Variants in ASCC2 observed in about 807,000 individuals in gnomAD.
The protein encoded by ASCC2 is activating signal cointegrator 1 complex subunit 2.
Under a neutral mutation model 93.5 loss-of-function variants are expected in ASCC2, and 42 were observed. The observed-to-expected ratio is 0.45, with a 90% CI of 0.35 to 0.58. The LOEUF is 0.58. Ranked by LOEUF, ASCC2 falls within the 20% of genes least tolerant of loss-of-function variation. ASCC2 has a pLI of 0.00. For synonymous variants in ASCC2, 364 were observed against 384.2 expected, an observed-to-expected ratio of 0.95 and a Z score of 0.62; for missense variants, 859 against 977.6, an observed-to-expected ratio of 0.88 and a Z score of 1.62.
rs967016123 is a variant in ASCC2, at chr22:29,812,289, C to T, written c.833+1141G>A. ...TTGCTAGAGTGACAATCAGAGGCCA[C>T]TAGGAAGAGGCCTGTGCCCACAACT... is the stretch of plus-strand genomic sequence containing the variant. On this transcript the variant is annotated intron_variant, in intron 8 of 19. Coordinates refer to ENST00000307790, the MANE Select transcript of ASCC2 (RefSeq NM_032204.5). Among the ~76,000 whole-genome samples the T allele has an allele frequency of 3.3e-5, 5 of 152,190 alleles. No individual in the cohort carries two copies. In the South Asian group the frequency reaches 8.3e-4, roughly 25 times the overall value.
chr22:29,789,790 C>G (rs2068708393), intron 19 of ASCC2, among the ~76,000 whole-genome samples: 2 of 152,210 alleles, frequency 1.3e-5, no homozygotes, highest in South Asian at 2.1e-4. Context: ...ACCCAGCAGA[C>G]AGTGCTGCAT....
intron 14 of ASCC2, among the ~76,000 whole-genome samples, chr22:29,801,707 C>T (rs2059103863): frequency 6.6e-6 from 1 of 152,160 alleles, no homozygotes; most frequent in Non-Finnish European, 1.5e-5. Flanking sequence ...ATCAGAAGGG[C>T]TCAACAACCC....
rs540453018 is a variant in ASCC2, at chr22:29,792,448, G to A, written c.2007C>T (p.Asp669=). ...EDDDDEEDDA[D]EEAPKPDHFV... ...AGGGAGGTACCTTGGGAGCCTCCTC[G>A]TCAGCATCGTCTTCCTCATCGTCGT... Residue 669 remains aspartate (D), a synonymous_variant, in exon 18 of 20, where the codon GAC becomes GAT. Coordinates refer to ENST00000307790, the MANE Select transcript of ASCC2 (RefSeq NM_032204.5). The A allele has an allele frequency of 1.5e-5, 24 of 1,613,882 alleles. No individual in the cohort carries two copies. Among genetic ancestry groups the A allele is most frequent in the South Asian group, 3.3e-5 (3 of 91,074 alleles).
At chr22:29,831,484 C>T (rs1409799664) in intron 2 of ASCC2, among the ~76,000 whole-genome samples, 1 of 152,158 alleles carries the variant, frequency 6.6e-6, no homozygotes, top group Admixed American at 6.5e-5. Context: ...ATGTCAGGTA[C>T]TATTATTAGA....
At position 29,806,265 on chromosome 22, in the gene ASCC2, A is replaced by G. The variant is rs1291046741; in HGVS notation, c.1111T>C (p.Phe371Leu). 1.2e-6 allele frequency: 2 copies of G among 1,614,182 alleles called. No individual in the cohort carries two copies. The highest frequency in any genetic ancestry group is 1.7e-6 in the Non-Finnish European group (2 of 1,180,018). The change falls in exon 12 of 20, where the codon TTC becomes CTC. Residue 371 changes from phenylalanine (F) to leucine (L), a missense_variant. By Grantham distance (22) the Phe-to-Leu change is conservative (BLOSUM62 0). Transcript: ENST00000307790. ...KRFLRDYDAL[F>L]PVAEDISLLQ... The stretch of plus-strand genomic sequence containing the variant: ...AAGCTGATGTCTTCGGCCACGGGGA[A>G]GAGTGCATCATAGTCCCGGAGGAAC...
In ASCC2 at chr22:29,825,323, G is replaced by A. The variant is rs2062158153; in HGVS notation, c.241-66C>T. ...GGCCCCAGGGGCTTGTGGGTGGACT[G>A]TGCAGGGACTCAATGCCCATCAGCC... is the stretch of plus-strand genomic sequence containing the variant. On this transcript the variant is annotated intron_variant, in intron 3 of 19. Transcript: ENST00000307790. The surrounding 1 kb of genome is among the most constrained non-coding windows in gnomAD (Gnocchi z 4.9). The A allele has an allele frequency of 2.7e-6, 4 of 1,485,126 alleles. No homozygotes were observed. The highest frequency in any genetic ancestry group is 1.8e-4 in the Middle Eastern group (1 of 5,526). 92.0% of individuals were successfully genotyped at this position (1,485,126 alleles called of 1,614,324 possible).
At chr22:29,820,537 C>A (rs888051471) in intron 5 of ASCC2, among the ~76,000 whole-genome samples, 1 of 152,024 alleles carries the variant, frequency 6.6e-6, no homozygotes, top group African/African-American at 2.4e-5. Context: ...AAAAAACAAC[C>A]AAATGGTTGT....
chr22:29,788,993 C>A lies in ASCC2; in HGVS notation c.*20G>T. 6.2e-7 allele frequency: 1 copy of A among 1,613,974 alleles called. No homozygotes were observed. The highest frequency in any genetic ancestry group is 8.5e-7 in the Non-Finnish European group (1 of 1,179,846). On this transcript the variant is annotated 3_prime_UTR_variant, in exon 20 of 20. Transcript: ENST00000307790. ...GGTGAGTCTGGTGCCGCTGCCTCCC[C>A]ACTGGCCCTGCACCAGGTCTCAGGA...
chr22:29,793,729 C>T (rs1341968947), intron 15 of ASCC2, 53 bp from the exon 16 acceptor site: 10 of 1,512,522 alleles, frequency 6.6e-6, no homozygotes, highest in Admixed American at 2.0e-5. Context: ...CTTGGAAGGC[C>T]GCAGGGTACG....
chr22:29,802,675 G>A (rs1316205785), intron 13 of ASCC2, among the ~76,000 whole-genome samples: 1 of 151,978 alleles, frequency 6.6e-6, no homozygotes, highest in Admixed American at 6.6e-5. Flanking sequence ...GGGTGTGGTG[G>A]CTCATGCCTG....
rs1339756188 is a variant in ASCC2 at position 29,806,290 on chromosome 22, C to A, written c.1086G>T (p.Arg362Ser). The change falls in exon 12 of 20, where the codon AGG becomes AGT. Residue 362 changes from arginine to serine, a missense_variant and splice_region_variant. Coordinates refer to ENST00000307790, the MANE Select transcript of ASCC2 (RefSeq NM_032204.5). ...AGAGTGCATCATAGTCCCGGAGGAA[C>A]CTGCAGGCAGATGAGAGCAGATGGG... Reference protein sequence around the residue: ...QIFSSLLQEKRFLRDYDALFP... With the variant: ...QIFSSLLQEKSFLRDYDALFP... The A allele has an allele frequency of 3.7e-6, 6 of 1,614,006 alleles. No homozygotes were observed. Among genetic ancestry groups the A allele is most frequent in the African/African-American group, 1.3e-5 (1 of 74,904 alleles).
chr22:29,838,228 G>GCCGCCGCCGCC lies in ASCC2; in HGVS notation c.-69_-68insGGCGGCGGCGG, dbSNP rs1555885984. The GCCGCCGCCGCC allele has an allele frequency of 1.3e-5, 6 of 465,540 alleles. No homozygotes were observed. Among genetic ancestry groups the GCCGCCGCCGCC allele is most frequent in the South Asian group, 3.1e-5 (2 of 65,320 alleles). 28.8% of individuals were successfully genotyped at this position (465,540 alleles called of 1,614,324 possible). Reference sequence around the variant, plus strand: ...TGCCGCCGCCGCCGCCGCCGCCGCCGACCACGGTGACAGCTCCCTGAGCGC... The same window carrying GCCGCCGCCGCC: ...TGCCGCCGCCGCCGCCGCCGCCGCCGCCGCCGCCGCCACCACGGTGACAGCTCCCTGAGCGC... On this transcript the variant is annotated 5_prime_UTR_variant, in exon 1 of 20. Transcript: ENST00000307790.
intron 2 of ASCC2, among the ~76,000 whole-genome samples, chr22:29,829,519 G>C (rs780032223): frequency 2.0e-5 from 3 of 152,028 alleles, no homozygotes; most frequent in Non-Finnish European, 4.4e-5. Flanking sequence ...TCAGGAGTTC[G>C]AGACTAGCCT....
intron 12 of ASCC2, among the ~76,000 whole-genome samples, chr22:29,805,996 G>C (rs1412630692): frequency 6.6e-6 from 1 of 152,006 alleles, no homozygotes; most frequent in Non-Finnish European, 1.5e-5. Flanking sequence ...AGGAAACACA[G>C]ACGGAAAATA....
chr22:29,789,325 GA>G, intron 19 of ASCC2, 141 bp from the exon 20 acceptor site: 1 of 1,036,102 alleles, frequency 9.7e-7, no homozygotes, highest in Non-Finnish European at 1.4e-6. Flanking sequence ...CAGATGGAAG[GA>G]GAGATGGAGC....
chr22:29,798,124 G>C lies in ASCC2; in HGVS notation c.1688+2867C>G, dbSNP rs5997526. 1.0e-3 allele frequency among the ~76,000 whole-genome samples: 155 copies of C among 152,268 alleles called. 2 individuals carry two copies. The highest frequency in any genetic ancestry group is 3.7e-3 in the African/African-American group (152 of 41,558). On this transcript the variant is annotated intron_variant, in intron 15 of 19. Coordinates refer to ENST00000307790, the MANE Select transcript of ASCC2 (RefSeq NM_032204.5). ...ACCATGGAATGGTCCAAAGGGATTAGGGGACCCTGCCTCTTGCCCACTGAC... is the reference window on the plus strand; with the variant it reads ...ACCATGGAATGGTCCAAAGGGATTACGGGACCCTGCCTCTTGCCCACTGAC...
intron 15 of ASCC2, among the ~76,000 whole-genome samples, chr22:29,800,506 C>A (rs2058959538): frequency 6.6e-6 from 1 of 152,168 alleles, no homozygotes; most frequent in African/African-American, 2.4e-5. Context: ...ATGGATAAAT[C>A]ATGAACGGAA....
intron 13 of ASCC2, among the ~76,000 whole-genome samples, chr22:29,802,462 A>G (rs1431328313): frequency 6.6e-6 from 1 of 151,762 alleles, no homozygotes; most frequent in Non-Finnish European, 1.5e-5. Context: ...CTATAAATAT[A>G]TACACCTACT....
chr22:29,795,557 AC>A, intron 15 of ASCC2, among the ~76,000 whole-genome samples: 1 of 152,046 alleles, frequency 6.6e-6, no homozygotes, highest in South Asian at 2.1e-4. Flanking sequence ...TCTTCCTATC[AC>A]CCCCACCTCA....
Sources: gnomAD v4.1 joint callset for allele counts (sites outside exome capture counted in the v4.1 genomes callset) on GRCh38, gnomAD v4.1.1 for gene constraint, Gnocchi (gnomAD v3.1) non-coding constraint, MANE v1.5 for transcripts, NCBI Gene and HGNC (gene_info 2026-07-23, HGNC 2026-07-21) for gene names.